The following CRYM variants were observed in gnomAD, a reference collection of about 807,000 sequenced individuals.
The protein encoded by CRYM is crystallin mu.
In CRYM, 18 loss-of-function variants were observed where a neutral mutation model predicts 32.9. That is an observed-to-expected ratio of 0.55 (90% confidence interval 0.38 to 0.81). The LOEUF is 0.81. CRYM is among the 30% of genes least tolerant of loss of function. CRYM has a pLI of 0.00. For synonymous variants in CRYM, 153 were observed against 152.4 expected (o/e 1.00, Z -0.03); for missense variants, 337 against 393.5 (o/e 0.86, Z 1.21).
chr16:21,277,561 T>C lies in CRYM; in HGVS notation c.194A>G (p.Tyr65Cys), dbSNP rs367658154. ...GGTCAGTGCATCCTCTGCAGCACTG[T>C]AGGCGGGCATGACCCCCAGGTAGCT... is the stretch of plus-strand genomic sequence containing the variant. ...HRGYLGVMPA[Y>C]SAAEDALTTK... Residue 65 changes from tyrosine to cysteine, a missense_variant, in exon 2 of 8, where the codon TAC (tyrosine) becomes TGC (cysteine). Tyr to Cys is a radical substitution (Grantham distance 194). Transcript: ENST00000572914. The surrounding 1 kb of genome is among the most constrained non-coding windows in gnomAD (Gnocchi z 4.2). The C allele has an allele frequency of 1.2e-6, 2 of 1,613,748 alleles. No homozygotes were observed. Among genetic ancestry groups the C allele is most frequent in the African/African-American group, 1.3e-5 (1 of 74,872 alleles).
intron 1 of CRYM, among the ~76,000 whole-genome samples, chr16:21,286,951 G>C (rs951141809): frequency 6.6e-6 from 1 of 152,004 alleles, no homozygotes. Context: ...TTAGCTGGGC[G>C]TGGTGGTGGG....
chr16:21,270,287 CTTTT>C (rs1439160861), intron 3 of CRYM, among the ~76,000 whole-genome samples: 1 of 146,946 alleles, frequency 6.8e-6, no homozygotes, highest in African/African-American at 2.4e-5. Flanking sequence ...TTCTTTCTTT[CTTTT>C]CTTTTTTTTT....
chr16:21,301,998 G>C lies in CRYM; in HGVS notation c.-193+980C>G, dbSNP rs935140043. Among the ~76,000 whole-genome samples, 5 of 152,326 alleles carry C rather than the reference G, an allele frequency of 3.3e-5. No homozygotes were observed. The East Asian group carries it at 9.6e-4, about 29-fold the overall frequency. ...ACCCGCTAGCCGCGATGGGCGCGCA[G>C]AGCCCAAAAGGGCGACCCCCAAACA... is the stretch of plus-strand genomic sequence containing the variant. On this transcript the variant is annotated intron_variant, in intron 1 of 9. Transcript: ENST00000219599.
intron 1 of CRYM, among the ~76,000 whole-genome samples, chr16:21,290,810 T>TTATCCTC (rs1960630651): frequency 6.6e-6 from 1 of 152,260 alleles, no homozygotes; most frequent in South Asian, 2.1e-4. Context: ...GATATATTCC[T>TTATCCTC]TATCCTCTTT....
At chr16:21,278,416 C>T (rs774755530), upstream of CRYM, 13 of 779,326 alleles carry the variant, frequency 1.7e-5, no homozygotes, top group South Asian at 1.6e-5. Flanking sequence ...CTCTCCTCCC[C>T]CTTCGCCCAC....
chr16:21,262,638 C>A (rs141270326), intron 5 of CRYM, among the ~76,000 whole-genome samples: 134 of 151,784 alleles, frequency 8.8e-4, no homozygotes, highest in South Asian at 2.3e-3. Flanking sequence ...AACAAACAAA[C>A]AAAAAAAACT....
At chr16:21,290,487 A>G (rs1250012132) in intron 1 of CRYM, among the ~76,000 whole-genome samples, 1 of 152,216 alleles carries the variant, frequency 6.6e-6, no homozygotes, top group Non-Finnish European at 1.5e-5. Flanking sequence ...TAAGAATTGT[A>G]ACACTCACCG....
intron 1 of CRYM, among the ~76,000 whole-genome samples, chr16:21,294,273 C>A (rs991916009): frequency 5.9e-5 from 9 of 152,160 alleles, no homozygotes; most frequent in Admixed American, 3.3e-4. Context: ...GTCTGCAGTC[C>A]CAGTTTTGGA....
At position 21,300,208 on chromosome 16, in the gene CRYM, A is replaced by G. The variant is rs189643429; in HGVS notation, c.-193+2770T>C. 1.1e-3 allele frequency among the ~76,000 whole-genome samples: 164 copies of G among 152,194 alleles called. 3 individuals carry two copies. Among genetic ancestry groups the G allele is most frequent in the Middle Eastern group, 6.8e-3 (2 of 294 alleles). ...GAGATGGCCTCCTCTCACTTTCTCA[A>G]TTCTCTGTTCTTCCGCCTTCTCACC... On this transcript the variant is annotated intron_variant, in intron 1 of 9. Transcript: ENST00000219599.
At chr16:21,292,932 G>A (rs1186241532) in intron 1 of CRYM, among the ~76,000 whole-genome samples, 7 of 152,088 alleles carry the variant, frequency 4.6e-5, no homozygotes, top group African/African-American at 1.4e-4. Context: ...AGCATGAGTA[G>A]AGACAGAGAA....
chr16:21,261,177 T>C (rs2093353632), intron 7 of CRYM, 77 bp downstream of exon 7: 2 of 1,038,050 alleles, frequency 1.9e-6, no homozygotes, highest in Admixed American at 1.7e-5. Flanking sequence ...GTCTGGTGAC[T>C]CATTGCTCTT....
intron 1 of CRYM, among the ~76,000 whole-genome samples, chr16:21,286,180 GAATGACA>G (rs2093406815): frequency 6.6e-6 from 1 of 151,704 alleles, no homozygotes; most frequent in Non-Finnish European, 1.5e-5. Flanking sequence ...CAATAATTGA[GAATGACA>G]AATCTCTTAG....
In CRYM at chr16:21,258,644, C is replaced by A. The variant is rs868460924; in HGVS notation, c.*137G>T. On this transcript the variant is annotated 3_prime_UTR_variant, in exon 8 of 8. Transcript: ENST00000572914. Reference sequence around the variant, plus strand: ...TCCAACTACAAACATAAATGAGGATCTCAGCATTTAAGGTAAAACATGATA... The same window carrying A: ...TCCAACTACAAACATAAATGAGGATATCAGCATTTAAGGTAAAACATGATA... 6 of 783,988 alleles carry A rather than the reference C, an allele frequency of 7.7e-6. No homozygotes were observed. Among genetic ancestry groups the A allele is most frequent in the Middle Eastern group, 2.2e-4 (1 of 4,470 alleles). 48.6% of individuals were successfully genotyped at this position (783,988 alleles called of 1,614,324 possible).
chr16:21,290,824 C>T (rs1256419942), intron 1 of CRYM, among the ~76,000 whole-genome samples: 2 of 152,176 alleles, frequency 1.3e-5, no homozygotes, highest in Non-Finnish European at 2.9e-5. Flanking sequence ...CCTCTTTCCA[C>T]TGTTGAGTCC....
At chr16:21,282,208 T>A (rs1798733689), upstream of CRYM, among the ~76,000 whole-genome samples, 1 of 152,224 alleles carries the variant, frequency 6.6e-6, no homozygotes, top group African/African-American at 2.4e-5. Context: ...AGATGTGACT[T>A]GTTCCTCCTT....
At chr16:21,278,048 T>C (rs1221380913) in intron 1 of CRYM, 34 bp downstream of exon 1, 2 of 1,528,162 alleles carry the variant, frequency 1.3e-6, no homozygotes, top group South Asian at 2.4e-5. Flanking sequence ...CTTTCCAGTT[T>C]CTCCTGCCCC....
intron 1 of CRYM, among the ~76,000 whole-genome samples, chr16:21,289,350 T>C (rs1413927274): frequency 3.3e-5 from 5 of 152,232 alleles, no homozygotes. Context: ...ATAACCGTTT[T>C]TATCTTAAAG....
chr16:21,285,901 A>C (rs373864609), intron 1 of CRYM, among the ~76,000 whole-genome samples: 1 of 152,252 alleles, frequency 6.6e-6, no homozygotes. Context: ...AAAAGTTATT[A>C]AAAATCATCT....
At chr16:21,302,060 T>TC (rs1002923245) in intron 1 of CRYM, among the ~76,000 whole-genome samples, 32 of 152,074 alleles carry the variant, frequency 2.1e-4, no homozygotes, top group Admixed American at 3.3e-4. Flanking sequence ...GACTTCCTCA[T>TC]CCCCCCGCCA....
Sources: allele counts gnomAD v4.1 joint callset (sites outside exome capture counted in the v4.1 genomes callset), GRCh38; gene constraint gnomAD v4.1.1; non-coding constraint Gnocchi (gnomAD v3.1); transcripts MANE v1.5; gene names NCBI Gene and HGNC (gene_info 2026-07-23, HGNC 2026-07-21).